The following RAB4B variants were observed in gnomAD, a reference collection of about 807,000 sequenced individuals.
RAB4B encodes the protein RAB4B, member RAS oncogene family.
Under a neutral mutation model 28.3 loss-of-function variants are expected in RAB4B, and 15 were observed. That is an observed-to-expected ratio of 0.53 (90% confidence interval 0.35 to 0.82). The LOEUF is 0.82. Among genes scored for constraint, RAB4B ranks in the 40% least tolerant of loss-of-function variants. RAB4B has a pLI of 0.01. For missense variants in RAB4B, 244 were observed against 288.5 expected (o/e 0.85, Z 1.12); for synonymous variants, 108 against 116.3 (o/e 0.93, Z 0.46).
chr19:40,778,399 T>C lies in RAB4B; in HGVS notation c.16+8T>C. On this transcript the variant is annotated splice_region_variant and intron_variant, in intron 1 of 7. Coordinates refer to ENST00000357052, the MANE Select transcript of RAB4B (RefSeq NM_016154.5). Reference sequence around the variant, plus strand: ...TCATGGCTGAGACCTACGGTGAGGGTGGTGGACGAAGCTGGGGTCCTGGGT... The same window carrying C: ...TCATGGCTGAGACCTACGGTGAGGGCGGTGGACGAAGCTGGGGTCCTGGGT... 6.9e-7 allele frequency: 1 copy of C among 1,458,170 alleles called. No individual in the cohort carries two copies. The highest frequency in any genetic ancestry group is 9.0e-7 in the Non-Finnish European group (1 of 1,108,382). 90.3% of individuals were successfully genotyped at this position (1,458,170 alleles called of 1,614,324 possible).
Position 40,794,984 on chromosome 19 carries a change from T to C in RAB4B, c.*16-1586T>C, listed in dbSNP as rs1264589929. On this transcript the variant is annotated intron_variant, in intron 7 of 7. Coordinates refer to ENST00000357052, the MANE Select transcript of RAB4B (RefSeq NM_016154.5). ...TCTGTAGATCAAGTGAAACCCCGTC[T>C]CTACTAAAAATACAAAAAAAAAAAA... Among the ~76,000 whole-genome samples the C allele has an allele frequency of 2.6e-5, 3 of 115,532 alleles. No individual in the cohort carries two copies. The East Asian group carries it at 7.3e-4, about 28-fold the overall frequency. 75.8% of individuals were successfully genotyped at this position (115,532 alleles called of 152,430 possible).
intron 3 of RAB4B, 83 bp downstream of exon 3, chr19:40,780,582 A>C: frequency 8.5e-7 from 1 of 1,174,798 alleles, no homozygotes; most frequent in Admixed American, 2.1e-5. Flanking sequence ...TCACTTGGAG[A>C]CACTGAGAGG....
intron 7 of RAB4B, chr19:40,792,442 C>T (rs1280897181): frequency 6.6e-6 from 1 of 152,210 alleles, no homozygotes; most frequent in Non-Finnish European, 1.5e-5. Context: ...TTCTTCACCT[C>T]AGGGCTTAGC....
chr19:40,785,413 A>C (rs1309420870), intron 5 of RAB4B: 1 of 149,406 alleles, frequency 6.7e-6, no homozygotes, highest in East Asian at 2.0e-4. Flanking sequence ...CAGGAGGTTG[A>C]GGCAGGAGGA....
intron 7 of RAB4B, among the ~76,000 whole-genome samples, chr19:40,791,244 C>T (rs2083156741): frequency 6.6e-6 from 1 of 152,222 alleles, no homozygotes; most frequent in African/African-American, 2.4e-5. Flanking sequence ...CCCGCCTTGG[C>T]CTCCCAAAGT....
intron 1 of RAB4B, 85 bp downstream of exon 1, chr19:40,778,476 A>AG: frequency 1.6e-6 from 2 of 1,288,762 alleles, no homozygotes; most frequent in Non-Finnish European, 1.0e-6. Context: ...TTTGTAGATC[A>AG]GGGGGCGGGG....
At chr19:40,789,674 TTGTATTTTTAGTAGAGACATTTCA>T (rs1442680142) in intron 7 of RAB4B, among the ~76,000 whole-genome samples, 1 of 151,956 alleles carries the variant, frequency 6.6e-6, no homozygotes, top group Admixed American at 6.6e-5. Context: ...CAGCTAATTT[TTGTATTTTTAGTAGAGACATTTCA>T]CCATGTTGGC....
intron 7 of RAB4B, among the ~76,000 whole-genome samples, chr19:40,792,888 C>G (rs780411815): frequency 1.3e-5 from 2 of 151,956 alleles, no homozygotes; most frequent in Non-Finnish European, 2.9e-5. Flanking sequence ...TCAAGCAATT[C>G]TCCTGCCTCA....
rs571914565 is a variant in RAB4B at position 40,778,344 on chromosome 19, A to G, written c.-32A>G. On this transcript the variant is annotated 5_prime_UTR_variant, in exon 1 of 8. Coordinates refer to ENST00000357052, the MANE Select transcript of RAB4B (RefSeq NM_016154.5). ...GAGGAGCAGGCGCGGCCGCGGCGCCATATTGCGGCCCTCAGCGGCCGCGAC... is the reference window on the plus strand; with the variant it reads ...GAGGAGCAGGCGCGGCCGCGGCGCCGTATTGCGGCCCTCAGCGGCCGCGAC... The G allele has an allele frequency of 2.0e-6, 3 of 1,495,010 alleles. No individual in the cohort carries two copies. The highest frequency in any genetic ancestry group is 2.9e-5 in the African/African-American group (2 of 69,178). The allele number at this position is 1,495,010 out of a possible 1,614,324, so 92.6% of individuals were successfully genotyped here. A position where few individuals can be genotyped will look rare whatever the true frequency, so the allele number is the denominator to read the frequency against.
intron 7 of RAB4B, among the ~76,000 whole-genome samples, chr19:40,793,994 C>G (rs1482380312): frequency 1.3e-5 from 2 of 152,104 alleles, no homozygotes; most frequent in Non-Finnish European, 2.9e-5. Context: ...AAGCAATCCT[C>G]CACCTCAGCC....
At chr19:40,781,112 TAA>T (rs941942424) in intron 3 of RAB4B, among the ~76,000 whole-genome samples, 18 of 76,658 alleles carry the variant, frequency 2.3e-4, no homozygotes, top group African/African-American at 5.5e-4. Context: ...GTGTCTCTAC[TAA>T]AAAAAAAAAA....
At chr19:40,785,123 T>G (rs970314955) in intron 5 of RAB4B, among the ~76,000 whole-genome samples, 1 of 151,868 alleles carries the variant, frequency 6.6e-6, no homozygotes, top group African/African-American at 2.4e-5. Flanking sequence ...AAAGGCACAT[T>G]TTTGAATACA....
intron 7 of RAB4B, 138 bp downstream of exon 7, chr19:40,787,116 C>T: frequency 1.2e-6 from 1 of 862,254 alleles, no homozygotes; most frequent in Non-Finnish European, 1.8e-6. Context: ...CTAAAGGAGG[C>T]ATCTGGCTGG....
intron 5 of RAB4B, chr19:40,786,322 C>T: frequency 5.8e-6 from 2 of 344,542 alleles, no homozygotes; most frequent in South Asian, 2.3e-5. Flanking sequence ...GGGACCCAGG[C>T]AGAGGGTTGG....
rs1568497595 is a variant in RAB4B, at chr19:40,796,698, T to G, written c.*144T>G. On this transcript the variant is annotated 3_prime_UTR_variant, in exon 8 of 8. Coordinates refer to ENST00000357052, the MANE Select transcript of RAB4B (RefSeq NM_016154.5). ...CCCCCTTCCCTGGCCTGGTGGGGCC[T>G]GGCTTTGGGGCAAGACTGAGCCACG... 6.5e-6 allele frequency: 1 copy of G among 153,086 alleles called. No individual in the cohort carries two copies. The allele number at this position is 153,086 out of a possible 1,614,324, so 9.5% of individuals were successfully genotyped here.
chr19:40,790,688 T>C (rs1419727552), intron 7 of RAB4B, among the ~76,000 whole-genome samples: 1 of 138,292 alleles, frequency 7.2e-6, no homozygotes, highest in Non-Finnish European at 1.6e-5. Flanking sequence ...TTTTTTTTAA[T>C]TTTAGAGAGA....
At chr19:40,791,277 A>G (rs1446802873) in intron 7 of RAB4B, among the ~76,000 whole-genome samples, 1 of 152,206 alleles carries the variant, frequency 6.6e-6, no homozygotes, top group Non-Finnish European at 1.5e-5. Flanking sequence ...GGCCTGAGCC[A>G]CTGTGCCCTG....
intron 3 of RAB4B, among the ~76,000 whole-genome samples, chr19:40,781,438 T>G (rs2083046929): frequency 6.6e-6 from 1 of 151,834 alleles, no homozygotes; most frequent in African/African-American, 2.4e-5. Context: ...AATGAATGAA[T>G]GCACGAATTT....
At chr19:40,789,539 C>G (rs1440495734) in intron 7 of RAB4B, among the ~76,000 whole-genome samples, 1 of 132,644 alleles carries the variant, frequency 7.5e-6, no homozygotes, top group Non-Finnish European at 1.6e-5. Context: ...GAGTCTCACT[C>G]TGTCGCCATG....
Sources: gnomAD v4.1 joint callset for allele counts (sites outside exome capture counted in the v4.1 genomes callset) on GRCh38, gnomAD v4.1.1 for gene constraint, MANE v1.5 for transcripts, NCBI Gene and HGNC (gene_info 2026-07-23, HGNC 2026-07-21) for gene names.